ANKRD30B: variants seen among roughly 807,000 people sequenced by gnomAD.
The protein encoded by ANKRD30B is ankyrin repeat domain 30B.
Under a neutral mutation model 202.2 loss-of-function variants are expected in ANKRD30B, and 144 were observed. The ratio of observed to expected loss-of-function variants is 0.71; its 90% CI spans 0.62 to 0.82. The LOEUF (loss-of-function observed/expected upper bound fraction) is 0.82, where lower values mean the gene tolerates loss of function less well. Ranked by LOEUF, ANKRD30B falls within the 40% of genes least tolerant of loss-of-function variation. ANKRD30B has a pLI of 0.00. For synonymous variants in ANKRD30B, 508 were observed against 561.3 expected (o/e 0.91, Z 1.34); for missense variants, 1,487 against 1,669.1 (o/e 0.89, Z 1.90).
At chr18:14,753,791 G>T (rs1913869432) in intron 3 of ANKRD30B, among the ~76,000 whole-genome samples, 1 of 152,062 alleles carries the variant, frequency 6.6e-6, no homozygotes, top group South Asian at 2.1e-4. Flanking sequence ...GCATATTGCA[G>T]AAAATATTAT....
At chr18:14,831,184 A>AAAAAAAAAAC in intron 33 of ANKRD30B, among the ~76,000 whole-genome samples, 199 bp from the exon 34 acceptor site, 1 of 150,080 alleles carries the variant, frequency 6.7e-6, no homozygotes, top group South Asian at 2.1e-4. Context: ...CGTCTCGGAA[A>AAAAAAAAAAC]AAAAAAAAAA....
At chr18:14,867,310 G>T in the ANKRD30B span, among the ~76,000 whole-genome samples, 72,272 of 130,362 alleles carry the variant, frequency 0.55, 20,940 homozygotes, top group African/African-American at 0.7. Flanking sequence ...AAGCTTGTGG[G>T]GAGGGGGGGC....
intron 43 of ANKRD30B, among the ~76,000 whole-genome samples, 60 bp from the exon 44 acceptor site, chr18:14,854,132 A>T (rs1971995908): frequency 6.6e-6 from 1 of 152,128 alleles, no homozygotes; most frequent in Non-Finnish European, 1.5e-5. Flanking sequence ...TTATCTTTAT[A>T]ATGTGCTTAT....
chr18:14,928,352 T>C, the ANKRD30B span, among the ~76,000 whole-genome samples: 18 of 152,174 alleles, frequency 1.2e-4, no homozygotes, highest in Admixed American at 7.9e-4. Flanking sequence ...TCTGGATGAA[T>C]CTGTGAGGAT....
chr18:14,896,045 G>A, the ANKRD30B span, among the ~76,000 whole-genome samples: 2 of 152,084 alleles, frequency 1.3e-5, no homozygotes, highest in African/African-American at 2.4e-5. Flanking sequence ...CTCATCTATT[G>A]TGATAAATGT....
the ANKRD30B span, among the ~76,000 whole-genome samples, chr18:14,897,477 G>C: frequency 6.6e-6 from 1 of 151,826 alleles, no homozygotes; most frequent in Non-Finnish European, 1.5e-5. Flanking sequence ...CACCATGCCC[G>C]CCCCTAGCTG....
chr18:14,753,083 T>C (rs1913730552), intron 3 of ANKRD30B, 71 bp downstream of exon 3: 3 of 1,241,896 alleles, frequency 2.4e-6, no homozygotes, highest in East Asian at 5.2e-5. Context: ...TATGTAAGGC[T>C]TTTATATTTG....
At position 14,851,742 on chromosome 18, in the gene ANKRD30B, G is replaced by T; in HGVS notation, c.3798G>T (p.Gln1266His). 6 of 1,599,604 alleles carry T rather than the reference G, an allele frequency of 3.8e-6. No homozygotes were observed. The highest frequency in any genetic ancestry group is 5.1e-6 in the Non-Finnish European group (6 of 1,173,634). ...VTKRASQYRE[Q>H]LKVLTAENTM... ...AAAGGGCATCTCAGTATAGAGAGCA[G>T]CTTAAAGTTCTGACGGCAGAGAACA... The change falls in exon 42 of 44, where the codon CAG (glutamine) becomes CAT (histidine). Residue 1266 changes from glutamine to histidine, a missense_variant. Physicochemically the swap from Gln to His is conservative, Grantham distance 24 (BLOSUM62 0). Around this residue, in one of 6 missense-constraint regions of ANKRD30B, gnomAD observed 21 missense variants for 57.2 expected, o/e 0.37. Transcript: ENST00000690538.
At chr18:14,937,072 C>T in the ANKRD30B span, among the ~76,000 whole-genome samples, 31 of 152,314 alleles carry the variant, frequency 2.0e-4, no homozygotes, top group Non-Finnish European at 1.5e-5. Context: ...ACCCTAAGTC[C>T]ATGACCTGGG....
rs756904893 is a variant in ANKRD30B, at chr18:14,782,650, CAT to C, written c.1570+39_1570+40del. On this transcript the variant is annotated intron_variant, in intron 12 of 43. Coordinates refer to ENST00000690538, the MANE Select transcript of ANKRD30B (RefSeq NM_001367607.2). ...CTTTTTATTTGAAAAGTCTTTTAAC[CAT>C]ATGTTTGTCTAAACGCATGATGACT... The C allele has an allele frequency of 1.5e-5, 21 of 1,407,082 alleles. No individual in the cohort carries two copies. In the East Asian group the frequency reaches 4.2e-4, roughly 28 times the overall value. The allele number at this position is 1,407,082 out of a possible 1,614,324, so 87.2% of individuals were successfully genotyped here. A position where few individuals can be genotyped will look rare whatever the true frequency, so the allele number is the denominator to read the frequency against.
the ANKRD30B span, among the ~76,000 whole-genome samples, chr18:14,884,967 A>AGTTT: frequency 6.6e-6 from 1 of 152,124 alleles, no homozygotes. Context: ...CAATGCTCAA[A>AGTTT]TAGTTACACA....
chr18:14,837,884 C>T (rs1232638043), intron 36 of ANKRD30B, among the ~76,000 whole-genome samples: 1 of 152,082 alleles, frequency 6.6e-6, no homozygotes, highest in Non-Finnish European at 1.5e-5. Flanking sequence ...GGCATGGTGG[C>T]GGGCACCTGT....
At chr18:14,748,806 G>A (rs1315248171) in intron 1 of ANKRD30B, among the ~76,000 whole-genome samples, 166 bp downstream of exon 1, 2 of 152,162 alleles carry the variant, frequency 1.3e-5, no homozygotes, top group South Asian at 4.1e-4. Flanking sequence ...CTTCTTCCCG[G>A]TCAGGCCCCC....
At chr18:14,887,434 C>T in the ANKRD30B span, among the ~76,000 whole-genome samples, 1 of 152,118 alleles carries the variant, frequency 6.6e-6, no homozygotes, top group Non-Finnish European at 1.5e-5. Flanking sequence ...TATATTCTAA[C>T]TTTAAAATCC....
At chr18:14,816,441 C>G (rs1267862880) in intron 30 of ANKRD30B, 2 of 151,874 alleles carry the variant, frequency 1.3e-5, no homozygotes, top group Admixed American at 6.6e-5. Flanking sequence ...GTCAGCAGAT[C>G]GAGACCATCC....
At chr18:14,790,543 T>TATTACA (rs1385773765) in intron 15 of ANKRD30B, among the ~76,000 whole-genome samples, 1 of 152,184 alleles carries the variant, frequency 6.6e-6, no homozygotes, top group Non-Finnish European at 1.5e-5. Context: ...AGATAGCTCT[T>TATTACA]ATTACTTTGA....
chr18:14,923,258 G>A, the ANKRD30B span, among the ~76,000 whole-genome samples: 58 of 152,284 alleles, frequency 3.8e-4, no homozygotes, highest in African/African-American at 1.3e-3. Context: ...GGGCCTGCCC[G>A]GGGTCAAAGG....
At chr18:14,862,059 G>A in the ANKRD30B span, among the ~76,000 whole-genome samples, 25 of 152,032 alleles carry the variant, frequency 1.6e-4, no homozygotes, top group African/African-American at 2.2e-4. Context: ...GAATTAAGGC[G>A]GAAATTTAAA....
At chr18:14,906,077 A>C in the ANKRD30B span, among the ~76,000 whole-genome samples, 6 of 152,100 alleles carry the variant, frequency 3.9e-5, no homozygotes, top group African/African-American at 1.4e-4. Context: ...GACTCAATTC[A>C]AGTCAGCAAA....
Sources: allele counts gnomAD v4.1 joint callset (sites outside exome capture counted in the v4.1 genomes callset), GRCh38; gene constraint gnomAD v4.1.1; regional missense constraint gnomAD v4.1.1; transcripts MANE v1.5; gene names NCBI Gene and HGNC (gene_info 2026-07-23, HGNC 2026-07-21).